Variants in CCDC25 observed in about 807,000 individuals in gnomAD.
CCDC25 encodes coiled-coil domain containing 25.
A neutral mutation model predicts 35.3 loss-of-function variants in CCDC25; 16 were observed. The ratio of observed to expected loss-of-function variants is 0.45; its 90% CI spans 0.31 to 0.69. The LOEUF (loss-of-function observed/expected upper bound fraction) is 0.69. Among genes scored for constraint, CCDC25 ranks in the 30% least tolerant of loss-of-function variants. CCDC25 has a pLI of 0.06. For synonymous variants in CCDC25, 79 were observed against 80.3 expected (o/e 0.98, Z 0.09); for missense variants, 179 against 250.7 (o/e 0.71, Z 1.93).
intron 6 of CCDC25, 32 bp downstream of exon 6, chr8:27,748,463 C>G (rs372998761): frequency 6.6e-7 from 1 of 1,508,652 alleles, no homozygotes; most frequent in South Asian, 1.1e-5. Context: ...AGTATCAGGG[C>G]TCCGCCTCCT....
intron 1 of CCDC25, 94 bp from the exon 2 acceptor site, chr8:27,765,345 C>T (rs1804365625): frequency 9.6e-7 from 1 of 1,045,038 alleles, no homozygotes. Context: ...AGACTAGGGG[C>T]TGGCAAACCA....
At chr8:27,755,099 C>T (rs1428175323) in intron 4 of CCDC25, among the ~76,000 whole-genome samples, 1 of 152,166 alleles carries the variant, frequency 6.6e-6, no homozygotes, top group African/African-American at 2.4e-5. Flanking sequence ...AGCCAATCAT[C>T]ACACTCATAA....
intron 7 of CCDC25, among the ~76,000 whole-genome samples, chr8:27,743,866 C>T (rs559184718): frequency 3.3e-5 from 5 of 152,256 alleles, no homozygotes; most frequent in South Asian, 2.1e-4. Flanking sequence ...AGCAATTCAG[C>T]CTGGGATATG....
In CCDC25 at chr8:27,748,203, G is replaced by C. The variant is rs1803670274; in HGVS notation, c.425C>G (p.Pro142Arg). 1 of 1,613,768 alleles carries C rather than the reference G, an allele frequency of 6.2e-7. No homozygotes were observed. Among genetic ancestry groups the C allele is most frequent in the East Asian group, 2.2e-5 (1 of 44,874 alleles). Residue 142 changes from proline (P) to arginine (R), a missense_variant, in exon 7 of 9, where the codon CCA becomes CGA. Physicochemically the swap from Pro to Arg is moderately radical, Grantham distance 103. Transcript: ENST00000356537. ...GCATTCTTTCTCTGCTGCTAGGTCT[G>C]GGAACCGCTCGACTTTGGTCTTTTC... ...RLEKTKVERF[P>R]DLAAEKECRD...
At chr8:27,765,367 C>A in intron 1 of CCDC25, 116 bp from the exon 2 acceptor site, 2 of 795,824 alleles carry the variant, frequency 2.5e-6, no homozygotes, top group Non-Finnish European at 3.6e-6. Flanking sequence ...GGCCCATGAT[C>A]CAAATCCAGC....
intron 7 of CCDC25, among the ~76,000 whole-genome samples, chr8:27,743,965 G>A (rs17057727): frequency 0.017 from 2,630 of 152,196 alleles, 76 homozygotes; most frequent in African/African-American, 0.06. Context: ...AGTGATTAGC[G>A]ACAGCTTAGA....
At position 27,737,845 on chromosome 8, in the gene CCDC25, C is replaced by T. The variant is rs1314001534; in HGVS notation, c.598-1600G>A. 5.4e-5 allele frequency among the ~76,000 whole-genome samples: 8 copies of T among 149,472 alleles called. No homozygotes were observed. The highest frequency in any genetic ancestry group is 2.0e-4 in the East Asian group (1 of 4,960). On this transcript the variant is annotated intron_variant, in intron 8 of 8. Coordinates refer to ENST00000356537, the MANE Select transcript of CCDC25 (RefSeq NM_018246.3). The surrounding 1 kb of genome is among the most constrained non-coding windows in gnomAD (Gnocchi z 4.6). ...ACAAACCCAAATGCCCATCAATCAA[C>T]GAGTGGATAAAGAAACTGTGGTGTG...
chr8:27,764,465 G>C lies in CCDC25; in HGVS notation c.76+739C>G, dbSNP rs1476708982. On this transcript the variant is annotated intron_variant, in intron 2 of 8. Transcript: ENST00000356537. ...TTCTTTTATTGTTGTTTTTTGTAGA[G>C]ACAGGGTCTCCCTATGTTGCTCAGG... The C allele has an allele frequency of 2.6e-5, 10 of 387,078 alleles. 1 individual carries two copies. The highest frequency in any genetic ancestry group is 1.9e-4 in the South Asian group (10 of 53,404). 24.0% of individuals were successfully genotyped at this position (387,078 alleles called of 1,614,324 possible). A position where few individuals can be genotyped will look rare whatever the true frequency, so the allele number is the denominator to read the frequency against.
intron 5 of CCDC25, among the ~76,000 whole-genome samples, chr8:27,751,444 G>A (rs1803802040): frequency 6.6e-6 from 1 of 152,298 alleles, no homozygotes; most frequent in South Asian, 2.1e-4. Context: ...TCTTTGGCTA[G>A]GTGCTGACGC....
intron 1 of CCDC25, chr8:27,772,071 A>C: frequency 5.3e-6 from 1 of 187,738 alleles, no homozygotes; most frequent in Non-Finnish European, 1.1e-5. Flanking sequence ...CTGAAAGGGT[A>C]AGTCGCGCTT....
intron 3 of CCDC25, among the ~76,000 whole-genome samples, chr8:27,759,218 C>T (rs1189834124): frequency 1.3e-5 from 2 of 152,210 alleles, no homozygotes; most frequent in African/African-American, 2.4e-5. Flanking sequence ...TGGAGCTGGG[C>T]TGTCCAACGA....
At chr8:27,769,375 T>G (rs138745878) in intron 1 of CCDC25, among the ~76,000 whole-genome samples, 2,017 of 152,284 alleles carry the variant, frequency 0.013, 46 homozygotes, top group African/African-American at 0.046. Flanking sequence ...TATGTGTGAC[T>G]AACACTTAAA....
At position 27,735,989 on chromosome 8, in the gene CCDC25, C is replaced by T; in HGVS notation, c.*227G>A. The stretch of plus-strand genomic sequence containing the variant: ...AGACATGTTCTGGCAAAAACATTTT[C>T]ACTTTAAGTTATATGCTGTCAAGTT... On this transcript the variant is annotated 3_prime_UTR_variant, in exon 9 of 9. Coordinates refer to ENST00000356537, the MANE Select transcript of CCDC25 (RefSeq NM_018246.3). 2.3e-6 allele frequency: 1 copy of T among 439,478 alleles called. No homozygotes were observed. The allele number at this position is 439,478 out of a possible 1,614,324, so 27.2% of individuals were successfully genotyped here. A position where few individuals can be genotyped will look rare whatever the true frequency, so the allele number is the denominator to read the frequency against.
rs17057742 is a variant in CCDC25, at chr8:27,746,516, G to A, written c.551+1561C>T. Among the ~76,000 whole-genome samples the A allele has an allele frequency of 4.9e-3, 743 of 152,082 alleles. 5 individuals carry two copies. Among genetic ancestry groups the A allele is most frequent in the African/African-American group, 0.016 (682 of 41,500 alleles). ...CATGTTCCTAAACAAAATTATGTTC[G>A]ATCCGTAAAGGGCACTAAAAGGCAT... On this transcript the variant is annotated intron_variant, in intron 7 of 8. Transcript: ENST00000356537.
At chr8:27,755,490 G>A (rs1803969328) in intron 4 of CCDC25, among the ~76,000 whole-genome samples, 1 of 152,182 alleles carries the variant, frequency 6.6e-6, no homozygotes, top group Non-Finnish European at 1.5e-5. Context: ...TCCAAATAAT[G>A]TATATAGACA....
chr8:27,769,912 C>A (rs553435384), intron 1 of CCDC25, among the ~76,000 whole-genome samples: 5 of 152,206 alleles, frequency 3.3e-5, no homozygotes, highest in Admixed American at 2.0e-4. Flanking sequence ...AAGGCCGAGG[C>A]GGGTGGATCA....
intron 5 of CCDC25, among the ~76,000 whole-genome samples, chr8:27,751,490 G>A (rs1156750920): frequency 1.3e-5 from 2 of 152,208 alleles, no homozygotes; most frequent in Non-Finnish European, 1.5e-5. Context: ...TGTGGGAAGC[G>A]CAGTCGGGGA....
chr8:27,760,921 T>C (rs1804205764), intron 3 of CCDC25, among the ~76,000 whole-genome samples: 2 of 151,856 alleles, frequency 1.3e-5, no homozygotes. Flanking sequence ...AGGTTAGGAG[T>C]TCGAGACCAG....
intron 1 of CCDC25, among the ~76,000 whole-genome samples, chr8:27,772,259 G>A (rs1804650662): frequency 6.6e-6 from 1 of 152,236 alleles, no homozygotes. Flanking sequence ...CCGATTAGGG[G>A]ACGAGAACTC....
Sources: allele counts gnomAD v4.1 joint callset (sites outside exome capture counted in the v4.1 genomes callset), GRCh38; gene constraint gnomAD v4.1.1; non-coding constraint Gnocchi (gnomAD v3.1); transcripts MANE v1.5; gene names NCBI Gene and HGNC (gene_info 2026-07-23, HGNC 2026-07-21).